Variants in ZBTB20 observed in about 807,000 individuals in gnomAD.
The protein encoded by ZBTB20 is zinc finger and BTB domain-containing protein 20.
A neutral mutation model predicts 56.9 loss-of-function variants in ZBTB20; 9 were observed. That is an observed-to-expected ratio of 0.16 (90% confidence interval 0.10 to 0.28). ZBTB20 has a LOEUF of 0.28. Among genes scored for constraint, ZBTB20 ranks in the 10% least tolerant of loss-of-function variants. ZBTB20 has a pLI of 1.00. For synonymous variants in ZBTB20, 417 were observed against 420.7 expected (o/e 0.99, Z 0.11); for missense variants, 655 against 1,003.0 (o/e 0.65, Z 4.69).
chr3:114,428,396 G>A (rs2722020), intron 7 of ZBTB20, among the ~76,000 whole-genome samples: 140,309 of 152,292 alleles, frequency 0.92, 65,732 homozygotes, highest in East Asian at 1. Flanking sequence ...ACACCAGAAA[G>A]GCATCTATGG....
chr3:114,663,533 T>A (rs1366786009), intron 6 of ZBTB20, among the ~76,000 whole-genome samples: 1 of 150,670 alleles, frequency 6.6e-6, no homozygotes, highest in East Asian at 2.0e-4. Context: ...AATCCACACA[T>A]AACAATATTA....
intron 7 of ZBTB20, among the ~76,000 whole-genome samples, chr3:114,430,979 T>C (rs1388904518): frequency 6.6e-6 from 1 of 152,172 alleles, no homozygotes; most frequent in Non-Finnish European, 1.5e-5. Context: ...TGGGGAAAGG[T>C]TGTTTAAATG....
At chr3:114,624,138 A>T (rs1394005609) in intron 6 of ZBTB20, 1 of 152,122 alleles carries the variant, frequency 6.6e-6, no homozygotes, top group Non-Finnish European at 1.5e-5. Context: ...TCCTGATCCA[A>T]GGAGTGACGA....
intron 6 of ZBTB20, among the ~76,000 whole-genome samples, chr3:114,506,827 T>C (rs2044670908): frequency 6.6e-6 from 1 of 152,132 alleles, no homozygotes; most frequent in South Asian, 2.1e-4. Context: ...AATAAAAAAT[T>C]TTCCCACTGC....
At chr3:114,717,432 A>G (rs903915271) in intron 5 of ZBTB20, among the ~76,000 whole-genome samples, 3 of 152,106 alleles carry the variant, frequency 2.0e-5, no homozygotes, top group Non-Finnish European at 4.4e-5. Flanking sequence ...AATCTGAGCC[A>G]GTCCCTTTTA....
intron 9 of ZBTB20, 32 bp from the exon 10 acceptor site, chr3:114,380,436 C>A (rs748165792): frequency 6.7e-7 from 1 of 1,483,062 alleles, no homozygotes; most frequent in South Asian, 1.3e-5. Flanking sequence ...TTTGAAGGAA[C>A]TGACTGCATA....
chr3:114,520,103 A>G lies in ZBTB20; in HGVS notation c.-294-19712T>C, dbSNP rs528767147. 7.2e-5 allele frequency: 11 copies of G among 152,270 alleles called. No homozygotes were observed. In the South Asian group the frequency reaches 2.1e-3, roughly 29 times the overall value. The allele number at this position is 152,270 out of a possible 1,614,324, so 9.4% of individuals were successfully genotyped here. A position where few individuals can be genotyped will look rare whatever the true frequency, so the allele number is the denominator to read the frequency against. On this transcript the variant is annotated intron_variant, in intron 6 of 11. Coordinates refer to ENST00000675478, the MANE Select transcript of ZBTB20 (RefSeq NM_001348800.3). ...GGCTGACCTTTGGGGAATTATTTAA[A>G]TTCTGAGTACCTCTGCTTCCTTCCC...
At chr3:114,910,097 A>G (rs2075471737) in intron 3 of ZBTB20, among the ~76,000 whole-genome samples, 1 of 152,020 alleles carries the variant, frequency 6.6e-6, no homozygotes, top group African/African-American at 2.4e-5. Flanking sequence ...ATCTATTTGG[A>G]CATTTAAGTG....
intron 6 of ZBTB20, among the ~76,000 whole-genome samples, chr3:114,515,774 T>C (rs1434659624): frequency 6.6e-6 from 1 of 152,154 alleles, no homozygotes; most frequent in Non-Finnish European, 1.5e-5. Flanking sequence ...ATTATATCAG[T>C]TACTTTTCCT....
intron 2 of ZBTB20, among the ~76,000 whole-genome samples, chr3:114,999,111 A>AAAGGG (rs1189242539): frequency 7.1e-6 from 1 of 140,926 alleles, no homozygotes; most frequent in East Asian, 2.2e-4. Context: ...AGGAGGAAGG[A>AAAGGG]AAGGGAAGGG....
intron 2 of ZBTB20, among the ~76,000 whole-genome samples, chr3:115,028,405 TCATTAA>T (rs2080515541): frequency 1.3e-5 from 2 of 150,792 alleles, no homozygotes; most frequent in African/African-American, 4.8e-5. Context: ...CTAAAATATC[TCATTAA>T]CATTTTCATA....
intron 3 of ZBTB20, among the ~76,000 whole-genome samples, chr3:114,955,163 C>T (rs535599347): frequency 6.6e-6 from 1 of 152,134 alleles, no homozygotes; most frequent in Non-Finnish European, 1.5e-5. Context: ...AATTAGACCT[C>T]CTATAAATAT....
At chr3:114,595,018 A>C (rs1263018912) in intron 6 of ZBTB20, among the ~76,000 whole-genome samples, 1 of 152,190 alleles carries the variant, frequency 6.6e-6, no homozygotes, top group Non-Finnish European at 1.5e-5. Context: ...TACTTATATA[A>C]TATTTTCCTT....
intron 7 of ZBTB20, among the ~76,000 whole-genome samples, chr3:114,430,815 G>T (rs938649647): frequency 6.6e-6 from 1 of 152,026 alleles, no homozygotes; most frequent in African/African-American, 2.4e-5. Context: ...CAGTAGATAG[G>T]GTTTTATCCT....
chr3:115,118,777 G>A (rs2108641822), intron 1 of ZBTB20, among the ~76,000 whole-genome samples: 1 of 132,116 alleles, frequency 7.6e-6, no homozygotes, highest in Non-Finnish European at 1.5e-5. Context: ...ATGGAGTGCA[G>A]TGGCGCGATC....
intron 2 of ZBTB20, among the ~76,000 whole-genome samples, chr3:114,995,535 C>A (rs1048590838): frequency 6.6e-6 from 1 of 151,718 alleles, no homozygotes; most frequent in African/African-American, 2.4e-5. Flanking sequence ...TATAAAGACC[C>A]CTATTTCATA....
intron 6 of ZBTB20, among the ~76,000 whole-genome samples, chr3:114,597,105 C>T (rs1213833465): frequency 2.6e-5 from 4 of 152,118 alleles, no homozygotes; most frequent in Non-Finnish European, 5.9e-5. Flanking sequence ...AAGCAGTTCT[C>T]CATATGCATA....
At chr3:114,454,087 A>G (rs957077255) in intron 7 of ZBTB20, among the ~76,000 whole-genome samples, 6 of 150,826 alleles carry the variant, frequency 4.0e-5, no homozygotes, top group Admixed American at 6.6e-5. Context: ...AGAGGAAAAA[A>G]AGAAGAGAGA....
At chr3:115,028,464 T>C (rs1449376221) in intron 2 of ZBTB20, among the ~76,000 whole-genome samples, 2 of 150,830 alleles carry the variant, frequency 1.3e-5, no homozygotes, top group East Asian at 1.9e-4. Context: ...TTGTTTTAAA[T>C]AAAATACATT....
Sources: allele counts gnomAD v4.1 joint callset (sites outside exome capture counted in the v4.1 genomes callset), GRCh38; gene constraint gnomAD v4.1.1; transcripts MANE v1.5; gene names NCBI Gene and HGNC (gene_info 2026-07-23, HGNC 2026-07-21).